Variants in WDR7 observed in about 807,000 individuals in gnomAD.
WDR7 encodes the protein WD repeat domain 7, also known as WD repeat-containing protein 7.
In WDR7, 46 loss-of-function variants were observed where a neutral mutation model predicts 169.4. The ratio of observed to expected loss-of-function variants is 0.27; its 90% CI spans 0.21 to 0.35. The LOEUF (loss-of-function observed/expected upper bound fraction) is 0.35, where lower values mean the gene tolerates loss of function less well. Among genes scored for constraint, WDR7 ranks in the 10% least tolerant of loss-of-function variants. The pLI, the probability that WDR7 is intolerant of heterozygous loss-of-function variation, is 1.00. For synonymous variants in WDR7, 612 were observed against 666.8 expected, an observed-to-expected ratio of 0.92 and a Z score of 1.27; for missense variants, 1,534 against 1,859.3, an observed-to-expected ratio of 0.83 and a Z score of 3.22.
At chr18:56,924,361 C>T (rs903258594) in intron 22 of WDR7, among the ~76,000 whole-genome samples, 4 of 151,798 alleles carry the variant, frequency 2.6e-5, no homozygotes, top group South Asian at 2.1e-4. Context: ...TTTGTTATAC[C>T]GTGAAGTATT....
intron 20 of WDR7, among the ~76,000 whole-genome samples, chr18:56,850,008 G>A (rs951718689): frequency 6.6e-6 from 1 of 151,724 alleles, no homozygotes; most frequent in Admixed American, 6.6e-5. Context: ...CCTTTTTTTT[G>A]TTTCATGAAT....
At chr18:56,838,591 T>C (rs1353374007) in intron 20 of WDR7, among the ~76,000 whole-genome samples, 1 of 152,202 alleles carries the variant, frequency 6.6e-6, no homozygotes, top group Non-Finnish European at 1.5e-5. Context: ...TAAAAAATTG[T>C]TTACTGATTT....
At chr18:56,856,748 A>G (rs2045727772) in intron 20 of WDR7, among the ~76,000 whole-genome samples, 1 of 152,024 alleles carries the variant, frequency 6.6e-6, no homozygotes, top group South Asian at 2.1e-4. Context: ...GTCTTTAAGA[A>G]AAAACAGCAA....
intron 20 of WDR7, among the ~76,000 whole-genome samples, chr18:56,874,504 T>G (rs2045996834): frequency 6.6e-6 from 1 of 151,996 alleles, no homozygotes. Context: ...TTAAAATATT[T>G]TATAAGAAAT....
At chr18:56,945,494 T>C (rs2047091566) in intron 25 of WDR7, among the ~76,000 whole-genome samples, 1 of 152,200 alleles carries the variant, frequency 6.6e-6, no homozygotes, top group Non-Finnish European at 1.5e-5. Context: ...TTTTAGAGAT[T>C]CCGTGACTGT....
intron 26 of WDR7, among the ~76,000 whole-genome samples, chr18:56,986,832 C>T (rs2047727904): frequency 6.6e-6 from 1 of 151,972 alleles, no homozygotes; most frequent in Admixed American, 6.6e-5. Context: ...TTTTTCATGC[C>T]AAATTCATGA....
rs186419193 is a variant in WDR7 at position 56,941,160 on chromosome 18, T to G, written c.4064+1767T>G. ...CCTCACGGGGCACAGGAGAGGTAAT[T>G]ATACAGACAGATGATTCCAGCTTCT... On this transcript the variant is annotated intron_variant, in intron 25 of 27. Transcript: ENST00000254442. Among the ~76,000 whole-genome samples the G allele has an allele frequency of 8.3e-4, 127 of 152,214 alleles. 1 individual carries two copies. In the Middle Eastern group the frequency reaches 0.017, roughly 20 times the overall value.
intron 21 of WDR7, among the ~76,000 whole-genome samples, chr18:56,905,233 C>T (rs886872941): frequency 3.3e-5 from 5 of 152,336 alleles, no homozygotes; most frequent in African/African-American, 1.2e-4. Flanking sequence ...ACCCCAACCT[C>T]CACCTCCTGG....
At chr18:56,732,640 A>G (rs2026612427) in intron 14 of WDR7, among the ~76,000 whole-genome samples, 1 of 152,194 alleles carries the variant, frequency 6.6e-6, no homozygotes, top group South Asian at 2.1e-4. Context: ...TAAATGTTTT[A>G]TCAGCTATGT....
At chr18:56,683,028 A>T (rs1035518199) in intron 5 of WDR7, among the ~76,000 whole-genome samples, 175 bp downstream of exon 5, 13 of 152,224 alleles carry the variant, frequency 8.5e-5, no homozygotes, top group African/African-American at 3.1e-4. Context: ...CTTTGATTGA[A>T]TGAAGACTTA....
At chr18:56,733,105 G>A (rs567422582) in intron 14 of WDR7, among the ~76,000 whole-genome samples, 1 of 152,202 alleles carries the variant, frequency 6.6e-6, no homozygotes, top group East Asian at 1.9e-4. Context: ...AGCGCAATTA[G>A]TGATAAAAGC....
chr18:56,979,384 C>A (rs1055684805), intron 26 of WDR7, among the ~76,000 whole-genome samples: 1 of 152,106 alleles, frequency 6.6e-6, no homozygotes, highest in Non-Finnish European at 1.5e-5. Context: ...AATTTTAAGT[C>A]CCTACTGTTG....
At chr18:56,708,084 A>G (rs1183908028) in intron 12 of WDR7, among the ~76,000 whole-genome samples, 1 of 146,490 alleles carries the variant, frequency 6.8e-6, no homozygotes, top group Non-Finnish European at 1.5e-5. Flanking sequence ...TCCAGGCTGG[A>G]ATACAGTGGC....
chr18:56,905,273 C>G (rs899627488), intron 21 of WDR7, among the ~76,000 whole-genome samples: 2 of 152,112 alleles, frequency 1.3e-5, no homozygotes, highest in Non-Finnish European at 2.9e-5. Flanking sequence ...CTCAGCCTCC[C>G]GAGTAGCTGG....
At chr18:56,839,754 T>A (rs1235724459) in intron 20 of WDR7, among the ~76,000 whole-genome samples, 1 of 152,160 alleles carries the variant, frequency 6.6e-6, no homozygotes, top group Non-Finnish European at 1.5e-5. Flanking sequence ...GGGGTGAGCC[T>A]ATGGAAATAT....
At chr18:56,936,887 A>G (rs539921992) in intron 23 of WDR7, among the ~76,000 whole-genome samples, 1 of 152,340 alleles carries the variant, frequency 6.6e-6, no homozygotes, top group East Asian at 1.9e-4. Context: ...TAAAATGCAC[A>G]TATGTATGTA....
rs532364384 is a variant in WDR7, at chr18:56,730,129, G to A, written c.1775-1254G>A. ...AGTTACTCTGTGCCTCCAATGTGCT[G>A]GGCACTGTTCAGTGTACCAGGGATA... On this transcript the variant is annotated intron_variant, in intron 13 of 27. Transcript: ENST00000254442. Among the ~76,000 whole-genome samples, 10 of 152,170 alleles carry A rather than the reference G, an allele frequency of 6.6e-5. No individual in the cohort carries two copies. The South Asian group carries it at 2.1e-3, about 32-fold the overall frequency.
At chr18:56,847,917 C>T (rs577621962) in intron 20 of WDR7, among the ~76,000 whole-genome samples, 4 of 152,344 alleles carry the variant, frequency 2.6e-5, no homozygotes, top group Middle Eastern at 3.4e-3. Context: ...AAGCCTGCCA[C>T]GGGGCACAGT....
Position 56,732,281 on chromosome 18 carries a change from G to A in WDR7, c.1989+684G>A, listed in dbSNP as rs1488751479. ...GTATTTGTGTCATGTGGTATAATTA[G>A]CACTAGTTTGTCTCTAGTAATGGAT... On this transcript the variant is annotated intron_variant, in intron 14 of 27. Coordinates refer to ENST00000254442, the MANE Select transcript of WDR7 (RefSeq NM_015285.3). 4.6e-5 allele frequency among the ~76,000 whole-genome samples: 7 copies of A among 152,202 alleles called. No homozygotes were observed. In the East Asian group the frequency reaches 1.4e-3, roughly 29 times the overall value.
Sources: allele counts gnomAD v4.1 joint callset (sites outside exome capture counted in the v4.1 genomes callset), GRCh38; gene constraint gnomAD v4.1.1; transcripts MANE v1.5; gene names NCBI Gene and HGNC (gene_info 2026-07-23, HGNC 2026-07-21).